SULF1: variants seen among roughly 807,000 people sequenced by gnomAD.
SULF1 encodes sulfatase 1, also known as extracellular sulfatase Sulf-1.
SULF1 carries 46 observed loss-of-function variants against 110.5 expected under a neutral mutation model. That is an observed-to-expected ratio of 0.42 (90% CI 0.33 to 0.53). SULF1 has a LOEUF of 0.53. Among genes scored for constraint, SULF1 ranks in the 20% least tolerant of loss-of-function variants. The probability of loss-of-function intolerance (pLI) is 0.12; values close to 1 mark genes in which losing one functional copy is unlikely to be tolerated. For missense variants in SULF1, 941 were observed against 1,094.2 expected (o/e 0.86, Z 1.98); for synonymous variants, 371 against 387.1 (o/e 0.96, Z 0.49).
At chr8:69,497,139 C>A (rs1358406337) in intron 2 of SULF1, among the ~76,000 whole-genome samples, 1 of 147,550 alleles carries the variant, frequency 6.8e-6, no homozygotes, top group Non-Finnish European at 1.5e-5. Context: ...GAAGCTAAAA[C>A]AGAATGTTCT....
At chr8:69,572,170 T>G (rs1282260811) in intron 5 of SULF1, among the ~76,000 whole-genome samples, 2 of 152,196 alleles carry the variant, frequency 1.3e-5, no homozygotes, top group Non-Finnish European at 2.9e-5. Context: ...CTATCGCGAC[T>G]GCAAGCAGAC....
chr8:69,588,220 C>A (rs936518855), intron 7 of SULF1, among the ~76,000 whole-genome samples: 5 of 152,194 alleles, frequency 3.3e-5, no homozygotes, highest in Admixed American at 6.5e-5. Context: ...TGCATCAGCC[C>A]CCCCTGACTG....
chr8:69,580,738 A>T (rs1806005652), intron 6 of SULF1, among the ~76,000 whole-genome samples: 1 of 152,202 alleles, frequency 6.6e-6, no homozygotes, highest in African/African-American at 2.4e-5. Context: ...GGTAGAAGGG[A>T]CAATATTTAA....
chr8:69,468,313 A>T (rs914405889), intron 1 of SULF1, among the ~76,000 whole-genome samples: 4 of 152,186 alleles, frequency 2.6e-5, no homozygotes, highest in South Asian at 2.1e-4. Flanking sequence ...GTGCTTTGTG[A>T]TTTTAGTATT....
Position 69,626,654 on chromosome 8 carries a change from G to A in SULF1, c.1851-556G>A, listed in dbSNP as rs182240035. The stretch of plus-strand genomic sequence containing the variant: ...CGGGAAGGCAGCTAAGGCCCGGTGA[G>A]AAATCGAGCGCAGCGCCGGTGGGCT... On this transcript the variant is annotated intron_variant, in intron 15 of 22. Transcript: ENST00000402687. 7.4e-3 allele frequency among the ~76,000 whole-genome samples: 1,131 copies of A among 152,362 alleles called. 8 individuals carry two copies. The highest frequency in any genetic ancestry group is 0.012 in the Non-Finnish European group (833 of 68,034).
intron 8 of SULF1, among the ~76,000 whole-genome samples, chr8:69,592,599 A>G (rs1214337561): frequency 2.6e-5 from 4 of 152,144 alleles, no homozygotes; most frequent in African/African-American, 4.8e-5. Flanking sequence ...CATCTGTAAA[A>G]TGGAGATAAT....
chr8:69,554,046 G>A (rs1814910585), intron 3 of SULF1, among the ~76,000 whole-genome samples: 1 of 152,198 alleles, frequency 6.6e-6, no homozygotes, highest in South Asian at 2.1e-4. Context: ...AATATGCATT[G>A]TTTGAAATGG....
At chr8:69,583,000 A>T (rs2150758217) in intron 6 of SULF1, among the ~76,000 whole-genome samples, 1 of 152,286 alleles carries the variant, frequency 6.6e-6, no homozygotes, top group South Asian at 2.1e-4. Flanking sequence ...CTGATGTGAG[A>T]CCCTTTGACA....
At chr8:69,486,480 T>G (rs1809717275) in intron 1 of SULF1, among the ~76,000 whole-genome samples, 1 of 151,680 alleles carries the variant, frequency 6.6e-6, no homozygotes, top group Admixed American at 6.5e-5. Flanking sequence ...TTCCTGCAAT[T>G]TACACCTTTT....
At chr8:69,580,763 A>G (rs1455251268) in intron 6 of SULF1, among the ~76,000 whole-genome samples, 1 of 152,160 alleles carries the variant, frequency 6.6e-6, no homozygotes, top group African/African-American at 2.4e-5. Context: ...CAGCTGCAAT[A>G]AATATTTTTG....
intron 13 of SULF1, among the ~76,000 whole-genome samples, chr8:69,605,327 C>T (rs1331073361): frequency 6.6e-6 from 1 of 152,108 alleles, no homozygotes; most frequent in African/African-American, 2.4e-5. Context: ...CATGATAGGG[C>T]CTTCACCCTA....
At chr8:69,499,287 C>T (rs1320541557) in intron 2 of SULF1, among the ~76,000 whole-genome samples, 4 of 152,144 alleles carry the variant, frequency 2.6e-5, no homozygotes, top group Non-Finnish European at 5.9e-5. Flanking sequence ...ATTAAAATTT[C>T]AAAATAAGTC....
At chr8:69,593,084 G>A (rs1807026640) in intron 8 of SULF1, 2 of 513,814 alleles carry the variant, frequency 3.9e-6, no homozygotes, top group Admixed American at 6.4e-5. Context: ...CTTGGGTTTT[G>A]TGCACCTAGA....
At chr8:69,620,727 G>A (rs901458074) in intron 13 of SULF1, among the ~76,000 whole-genome samples, 12 of 152,140 alleles carry the variant, frequency 7.9e-5, no homozygotes, top group African/African-American at 2.4e-5. Context: ...CGGCTTTTAC[G>A]TGTTTCATTC....
chr8:69,567,857 G>A (rs1288863618), intron 5 of SULF1, among the ~76,000 whole-genome samples: 1 of 152,152 alleles, frequency 6.6e-6, no homozygotes, highest in Non-Finnish European at 1.5e-5. Flanking sequence ...ATACCCAGAA[G>A]TGGAATTGCT....
At chr8:69,624,363 G>A (rs4130358) in intron 15 of SULF1, among the ~76,000 whole-genome samples, 166 bp downstream of exon 15, 8,043 of 152,270 alleles carry the variant, frequency 0.053, 285 homozygotes, top group Middle Eastern at 0.092. Context: ...ATGAGTCCAC[G>A]CAATCATAGG....
chr8:69,593,707 C>T (rs1247117811), intron 8 of SULF1, among the ~76,000 whole-genome samples: 1 of 152,214 alleles, frequency 6.6e-6, no homozygotes, highest in Non-Finnish European at 1.5e-5. Context: ...AACTGTAACT[C>T]AGCTACTCAT....
At chr8:69,555,141 C>G (rs1039621816) in intron 3 of SULF1, among the ~76,000 whole-genome samples, 1 of 151,606 alleles carries the variant, frequency 6.6e-6, no homozygotes, top group African/African-American at 2.4e-5. Flanking sequence ...AAAAAAAATA[C>G]AGCTAATCTC....
intron 1 of SULF1, among the ~76,000 whole-genome samples, chr8:69,471,689 G>C (rs1809091924): frequency 6.6e-6 from 1 of 152,184 alleles, no homozygotes; most frequent in Non-Finnish European, 1.5e-5. Flanking sequence ...ACAGCGAACT[G>C]ACCCATTCTG....
Sources: gnomAD v4.1 joint callset for allele counts (sites outside exome capture counted in the v4.1 genomes callset) on GRCh38, gnomAD v4.1.1 for gene constraint, MANE v1.5 for transcripts, NCBI Gene and HGNC (gene_info 2026-07-23, HGNC 2026-07-21) for gene names.